The following UBAC2 variants were observed in gnomAD, a reference collection of about 807,000 sequenced individuals.
UBAC2 encodes UBA domain containing 2, also known as ubiquitin-associated domain-containing protein 2.
Under a neutral mutation model 44.0 loss-of-function variants are expected in UBAC2, and 26 were observed. The observed-to-expected ratio is 0.59, with a 90% CI of 0.43 to 0.82. The LOEUF is 0.82. UBAC2 is among the 40% of genes least tolerant of loss of function. The probability of loss-of-function intolerance (pLI) is 0.00; values close to 1 mark genes in which losing one functional copy is unlikely to be tolerated. For missense variants in UBAC2, 329 were observed against 419.4 expected (o/e 0.78, Z 1.88); for synonymous variants, 155 against 154.3 (o/e 1.00, Z -0.04).
chr13:99,315,188 C>T (rs530224005), intron 5 of UBAC2, among the ~76,000 whole-genome samples: 62 of 152,270 alleles, frequency 4.1e-4, no homozygotes, highest in Non-Finnish European at 7.6e-4. Context: ...TCTCAACCCC[C>T]GTACCGTTAC....
At chr13:99,378,324 C>T (rs770605332) in intron 8 of UBAC2, among the ~76,000 whole-genome samples, 14 of 152,012 alleles carry the variant, frequency 9.2e-5, no homozygotes, top group African/African-American at 3.1e-4. Flanking sequence ...GTCAGGAGTT[C>T]GAGACCAGCC....
chr13:99,213,748 T>A (rs1308418081), intron 1 of UBAC2, among the ~76,000 whole-genome samples: 1 of 152,246 alleles, frequency 6.6e-6, no homozygotes, highest in African/African-American at 2.4e-5. Flanking sequence ...ACTAAGTTAT[T>A]GATTGCATCT....
At chr13:99,297,066 A>G (rs138287243) in intron 4 of UBAC2, among the ~76,000 whole-genome samples, 24 of 152,302 alleles carry the variant, frequency 1.6e-4, no homozygotes, top group African/African-American at 5.1e-4. Context: ...CAGTCTTCCA[A>G]TGTGTCAATG....
At chr13:99,296,316 AAC>A (rs1375820543) in intron 4 of UBAC2, among the ~76,000 whole-genome samples, 1 of 152,232 alleles carries the variant, frequency 6.6e-6, no homozygotes, top group Non-Finnish European at 1.5e-5. Flanking sequence ...TGCAATTTTT[AAC>A]AGTTTATAAT....
At chr13:99,242,439 G>A (rs1218761265) in intron 2 of UBAC2, among the ~76,000 whole-genome samples, 4 of 121,062 alleles carry the variant, frequency 3.3e-5, no homozygotes, top group South Asian at 5.4e-4. Context: ...CAGACGGGGC[G>A]GCTGGCCGGG....
chr13:99,276,042 A>G (rs183020976), intron 4 of UBAC2, among the ~76,000 whole-genome samples: 5 of 152,250 alleles, frequency 3.3e-5, no homozygotes, highest in African/African-American at 9.6e-5. Flanking sequence ...GATTTTTAGT[A>G]TTGTATTTGT....
rs1174376092 is a variant in UBAC2, at chr13:99,295,069, A to G, written c.390-19028A>G. The G allele has an allele frequency of 5.6e-6, 9 of 1,612,864 alleles. No individual in the cohort carries two copies. In the African/African-American group the frequency reaches 6.7e-5, roughly 12 times the overall value. Reference sequence around the variant, plus strand: ...CAAAATACAATCCATTTCACTTTCCATTTGAAGACTTGGAATGTATCATCA... The same window carrying G: ...CAAAATACAATCCATTTCACTTTCCGTTTGAAGACTTGGAATGTATCATCA... On this transcript the variant is annotated intron_variant, in intron 4 of 8. Transcript: ENST00000403766. This position sits in a 1 kb window ranked among gnomAD's most constrained non-coding sequence, Gnocchi z 4.1.
intron 4 of UBAC2, among the ~76,000 whole-genome samples, chr13:99,249,343 C>T (rs2043429190): frequency 6.6e-6 from 1 of 152,280 alleles, no homozygotes; most frequent in Middle Eastern, 3.4e-3. Context: ...CCTCCAGCTG[C>T]ATCCATGTTC....
At chr13:99,230,416 C>T (rs2043159064) in intron 1 of UBAC2, among the ~76,000 whole-genome samples, 1 of 152,240 alleles carries the variant, frequency 6.6e-6, no homozygotes, top group Non-Finnish European at 1.5e-5. Context: ...TTGCAGTGAG[C>T]TGAGATCACG....
At position 99,351,680 on chromosome 13, in the gene UBAC2, G is replaced by A. The variant is rs1401949246; in HGVS notation, c.807+11115G>A. ...ACTTGGGGATAAAACTTTCCATTAG[G>A]CATTTCTGTAAAATTTCCATCTATT... On this transcript the variant is annotated intron_variant, in intron 7 of 8. Transcript: ENST00000403766. The A allele has an allele frequency of 8.8e-6, 4 of 456,582 alleles. No individual in the cohort carries two copies. The East Asian group carries it at 2.8e-4, about 32-fold the overall frequency. 28.3% of individuals were successfully genotyped at this position (456,582 alleles called of 1,614,324 possible).
intron 4 of UBAC2, among the ~76,000 whole-genome samples, chr13:99,298,976 T>A (rs928522496): frequency 3.3e-5 from 5 of 152,234 alleles, no homozygotes; most frequent in African/African-American, 9.6e-5. Context: ...TATTTTTGAG[T>A]ATTTCTAAGC....
intron 4 of UBAC2, among the ~76,000 whole-genome samples, chr13:99,310,932 G>A (rs1210688270): frequency 6.6e-6 from 1 of 152,086 alleles, no homozygotes; most frequent in Non-Finnish European, 1.5e-5. Context: ...CCCCAAATAG[G>A]GTTCTATAAT....
intron 4 of UBAC2, among the ~76,000 whole-genome samples, chr13:99,250,222 TG>T (rs2043440780): frequency 6.6e-6 from 1 of 152,228 alleles, no homozygotes; most frequent in Non-Finnish European, 1.5e-5. Context: ...TAATCCATCT[TG>T]AATTAATTTT....
intron 8 of UBAC2, among the ~76,000 whole-genome samples, chr13:99,378,542 A>C (rs192740890): frequency 1.3e-5 from 2 of 152,302 alleles, no homozygotes; most frequent in African/African-American, 2.4e-5. Flanking sequence ...TAAAATAAAA[A>C]ATAAAAACTT....
chr13:99,278,545 A>G (rs531613425), intron 4 of UBAC2, among the ~76,000 whole-genome samples: 1 of 152,340 alleles, frequency 6.6e-6, no homozygotes, highest in African/African-American at 2.4e-5. Context: ...TAGCCAACAT[A>G]TAAATAATCA....
intron 7 of UBAC2, among the ~76,000 whole-genome samples, chr13:99,348,439 C>CGG (rs904520556): frequency 6.6e-6 from 1 of 152,094 alleles, no homozygotes; most frequent in African/African-American, 2.4e-5. Context: ...GTTTCAGTCA[C>CGG]GGGGGGCCTT....
intron 4 of UBAC2, among the ~76,000 whole-genome samples, chr13:99,276,501 C>T (rs185701430): frequency 2.6e-5 from 4 of 152,348 alleles, no homozygotes; most frequent in Admixed American, 6.5e-5. Flanking sequence ...GGGCAAGGTG[C>T]GAGGGTGGGT....
chr13:99,356,511 GA>G (rs1364643220), intron 7 of UBAC2, among the ~76,000 whole-genome samples: 4 of 152,340 alleles, frequency 2.6e-5, no homozygotes, highest in African/African-American at 9.6e-5. Context: ...AGTACTGTTT[GA>G]AGTATCTCAT....
intron 3 of UBAC2, 71 bp from the exon 4 acceptor site, chr13:99,244,444 C>T: frequency 9.4e-7 from 1 of 1,059,534 alleles, no homozygotes; most frequent in Non-Finnish European, 1.4e-6. Context: ...TGAGCTGATT[C>T]TAGCTGAATA....
Sources: gnomAD v4.1 joint callset for allele counts (sites outside exome capture counted in the v4.1 genomes callset) on GRCh38, gnomAD v4.1.1 for gene constraint, Gnocchi (gnomAD v3.1) non-coding constraint, MANE v1.5 for transcripts, NCBI Gene and HGNC (gene_info 2026-07-23, HGNC 2026-07-21) for gene names.